GAN: variants seen among roughly 807,000 people sequenced by gnomAD.
The protein encoded by GAN is gigaxonin.
GAN carries 48 observed loss-of-function variants against 71.3 expected under a neutral mutation model. The ratio of observed to expected loss-of-function variants is 0.67; its 90% confidence interval spans 0.53 to 0.86. The LOEUF is 0.86. Among genes scored for constraint, GAN ranks in the 40% least tolerant of loss-of-function variants. The pLI, the probability that GAN is intolerant of heterozygous loss-of-function variation, is 0.00. For missense variants in GAN, 928 were observed against 770.1 expected, an observed-to-expected ratio of 1.21 and a Z score of -2.43; for synonymous variants, 386 against 276.8, an observed-to-expected ratio of 1.39 and a Z score of -3.92.
chr16:81,349,978 T>C (rs1910244429), intron 1 of GAN, among the ~76,000 whole-genome samples: 1 of 152,178 alleles, frequency 6.6e-6, no homozygotes, highest in African/African-American at 2.4e-5. Context: ...TAAATTTTCT[T>C]AGTAAAAAAT....
intron 9 of GAN, among the ~76,000 whole-genome samples, chr16:81,367,959 C>T (rs184197363): frequency 7.2e-5 from 11 of 152,272 alleles, no homozygotes; most frequent in Admixed American, 2.6e-4. Flanking sequence ...AAAGATCAGA[C>T]GCAAATGTGT....
chr16:81,360,330 A>T (rs576777696), intron 5 of GAN, among the ~76,000 whole-genome samples: 39 of 152,282 alleles, frequency 2.6e-4, no homozygotes, highest in Non-Finnish European at 3.7e-4. Flanking sequence ...ATTTTTGCTG[A>T]GTATAGCATT....
intron 1 of GAN, among the ~76,000 whole-genome samples, chr16:81,351,323 T>C (rs961636436): frequency 6.6e-6 from 1 of 152,236 alleles, no homozygotes; most frequent in East Asian, 1.9e-4. Context: ...GAAATACAGA[T>C]TCATGGTCAT....
chr16:81,363,774 G>T lies in GAN; in HGVS notation c.1087-20G>T. 3.7e-6 allele frequency: 6 copies of T among 1,610,962 alleles called. No individual in the cohort carries two copies. The highest frequency in any genetic ancestry group is 1.1e-5 in the South Asian group (1 of 91,006). ...TGATCATTGGCCTTGTGTGTTCAGGGATCGCTAATGTAATTTCAGGCAAGA... is the reference window on the plus strand; with the variant it reads ...TGATCATTGGCCTTGTGTGTTCAGGTATCGCTAATGTAATTTCAGGCAAGA... On this transcript the variant is annotated intron_variant, in intron 6 of 10. Transcript: ENST00000648994.
intron 1 of GAN, among the ~76,000 whole-genome samples, chr16:81,340,684 C>A (rs1375062710): frequency 6.6e-6 from 1 of 151,972 alleles, no homozygotes; most frequent in Non-Finnish European, 1.5e-5. Context: ...GGGGAGAAAC[C>A]AGAGCAGAAA....
At chr16:81,355,125 G>A (rs1188153772) in intron 3 of GAN, among the ~76,000 whole-genome samples, 1 of 152,192 alleles carries the variant, frequency 6.6e-6, no homozygotes, top group Admixed American at 6.5e-5. Context: ...CAGGCCTCAG[G>A]TGCCTGCAGC....
rs79192026 is a variant in GAN at position 81,377,968 on chromosome 16, G to A, written c.*372G>A. The A allele has an allele frequency of 2.0e-3, 585 of 292,202 alleles. 5 individuals carry two copies. The highest frequency in any genetic ancestry group is 0.012 in the African/African-American group (553 of 46,562). 18.1% of individuals were successfully genotyped at this position (292,202 alleles called of 1,614,324 possible). On this transcript the variant is annotated 3_prime_UTR_variant, in exon 11 of 11. Transcript: ENST00000648994. ...ATGTCTGACTGCTGTATTCAAATAC[G>A]TAGCTTTGGTAACAAACAAAATCCG...
Position 81,362,355 on chromosome 16 carries a change from A to T in GAN, c.974-144A>T, listed in dbSNP as rs533301314. On this transcript the variant is annotated intron_variant, in intron 5 of 10. Transcript: ENST00000648994. Reference sequence around the variant, plus strand: ...GTTTGGCTCCATCACCAAGGATCCAATGGGATGTGATAAAAGCCCTGAATC... The same window carrying T: ...GTTTGGCTCCATCACCAAGGATCCATTGGGATGTGATAAAAGCCCTGAATC... 1.4e-5 allele frequency: 10 copies of T among 694,414 alleles called. No homozygotes were observed. The South Asian group carries it at 1.5e-4, about 10-fold the overall frequency. The allele number at this position is 694,414 out of a possible 1,614,324, so 43.0% of individuals were successfully genotyped here. A position where few individuals can be genotyped will look rare whatever the true frequency, so the allele number is the denominator to read the frequency against.
At chr16:81,359,404 T>G (rs996504808) in intron 5 of GAN, among the ~76,000 whole-genome samples, 38 of 124,112 alleles carry the variant, frequency 3.1e-4, no homozygotes, top group Non-Finnish European at 4.6e-4. Context: ...CAGGCTGCAT[T>G]GTTTTTTTTT....
intron 1 of GAN, among the ~76,000 whole-genome samples, chr16:81,332,176 A>G (rs1428570898): frequency 2.0e-5 from 3 of 151,626 alleles, no homozygotes; most frequent in Non-Finnish European, 4.4e-5. Flanking sequence ...AAAAAAAAAA[A>G]GAAAAAGAAA....
In GAN at chr16:81,390,518, A is replaced by G. The variant is rs1299059256; in HGVS notation, c.*12922A>G. 1.3e-5 allele frequency: 2 copies of G among 152,252 alleles called. No individual in the cohort carries two copies. The highest frequency in any genetic ancestry group is 2.9e-5 in the Non-Finnish European group (2 of 68,040). 9.4% of individuals were successfully genotyped at this position (152,252 alleles called of 1,614,324 possible). A position where few individuals can be genotyped will look rare whatever the true frequency, so the allele number is the denominator to read the frequency against. On this transcript the variant is annotated 3_prime_UTR_variant, in exon 11 of 11. Coordinates refer to ENST00000648994, the MANE Select transcript of GAN (RefSeq NM_022041.4). ...GGGGTTGGTCCCTTCTCACGAACCC[A>G]GGACCTGTGCTTGGGGAACATTTTG...
intron 1 of GAN, among the ~76,000 whole-genome samples, chr16:81,332,692 G>C (rs1382306027): frequency 6.6e-6 from 1 of 152,192 alleles, no homozygotes; most frequent in Non-Finnish European, 1.5e-5. Context: ...GTGTGTGGTG[G>C]TTCCTCAGTC....
At chr16:81,352,967 G>A (rs76257369) in intron 2 of GAN, among the ~76,000 whole-genome samples, 1 of 152,182 alleles carries the variant, frequency 6.6e-6, no homozygotes, top group East Asian at 1.9e-4. Context: ...TACAGATTGA[G>A]TTCTGTGATT....
At chr16:81,337,944 G>C (rs1909819304) in intron 1 of GAN, among the ~76,000 whole-genome samples, 1 of 151,956 alleles carries the variant, frequency 6.6e-6, no homozygotes, top group South Asian at 2.1e-4. Context: ...GGACTCACTA[G>C]GGTAGGTCTC....
intron 1 of GAN, among the ~76,000 whole-genome samples, chr16:81,331,885 G>A (rs960032902): frequency 3.3e-5 from 5 of 152,188 alleles, no homozygotes; most frequent in African/African-American, 1.2e-4. Context: ...TTGGAAGGCC[G>A]GGCGTGGTGG....
chr16:81,380,544 T>C lies in GAN; in HGVS notation c.*2948T>C, dbSNP rs897632888. ...GCTTATATCCTGTGAATAGAAAAAGTGTGAGAGATGAATGAGTGAGTTGTA... is the reference window on the plus strand; with the variant it reads ...GCTTATATCCTGTGAATAGAAAAAGCGTGAGAGATGAATGAGTGAGTTGTA... On this transcript the variant is annotated 3_prime_UTR_variant, in exon 11 of 11. Transcript: ENST00000648994. 1 of 152,182 alleles carries C rather than the reference T, an allele frequency of 6.6e-6. No homozygotes were observed. The highest frequency in any genetic ancestry group is 2.4e-5 in the African/African-American group (1 of 41,446). 9.4% of individuals were successfully genotyped at this position (152,182 alleles called of 1,614,324 possible).
chr16:81,322,545 T>A (rs929606400), intron 1 of GAN, among the ~76,000 whole-genome samples: 1 of 152,252 alleles, frequency 6.6e-6, no homozygotes, highest in Non-Finnish European at 1.5e-5. Context: ...TTATTTGGAT[T>A]TGAGTTTTTA....
At position 81,383,097 on chromosome 16, in the gene GAN, A is replaced by G. The variant is rs1047092396; in HGVS notation, c.*5501A>G. 1 of 152,120 alleles carries G rather than the reference A, an allele frequency of 6.6e-6. No homozygotes were observed. Among genetic ancestry groups the G allele is most frequent in the African/African-American group, 2.4e-5 (1 of 41,436 alleles). The allele number at this position is 152,120 out of a possible 1,614,324, so 9.4% of individuals were successfully genotyped here. On this transcript the variant is annotated 3_prime_UTR_variant, in exon 11 of 11. Coordinates refer to ENST00000648994, the MANE Select transcript of GAN (RefSeq NM_022041.4). ...ACAGGCATGAGCCACCACGCTCCGTAGAAAGTTTGTTCTTTTTCAGTTCTG... is the reference window on the plus strand; with the variant it reads ...ACAGGCATGAGCCACCACGCTCCGTGGAAAGTTTGTTCTTTTTCAGTTCTG...
chr16:81,336,318 G>A (rs933463103), intron 1 of GAN, among the ~76,000 whole-genome samples: 2 of 152,216 alleles, frequency 1.3e-5, no homozygotes, highest in African/African-American at 4.8e-5. Context: ...CTGTGAGATA[G>A]AGGGGTTGGT....
Sources: gnomAD v4.1 joint callset for allele counts (sites outside exome capture counted in the v4.1 genomes callset) on GRCh38, gnomAD v4.1.1 for gene constraint, MANE v1.5 for transcripts, NCBI Gene and HGNC (gene_info 2026-07-23, HGNC 2026-07-21) for gene names.